The following CDK6 variants were observed in gnomAD, a reference collection of about 807,000 sequenced individuals.
CDK6 encodes cyclin-dependent kinase 6.
In CDK6, 6 loss-of-function variants were observed where a neutral mutation model predicts 37.1. That is an observed-to-expected ratio of 0.16 (90% CI 0.09 to 0.32). The LOEUF is 0.32. Ranked by LOEUF, CDK6 falls within the 10% of genes least tolerant of loss-of-function variation. The pLI is 1.00. For synonymous variants in CDK6, 160 were observed against 161.3 expected, an observed-to-expected ratio of 0.99 and a Z score of 0.06; for missense variants, 224 against 418.9, an observed-to-expected ratio of 0.53 and a Z score of 4.06.
At chr7:92,753,516 G>C (rs897436515) in intron 3 of CDK6, among the ~76,000 whole-genome samples, 1 of 151,822 alleles carries the variant, frequency 6.6e-6, no homozygotes, top group Non-Finnish European at 1.5e-5. Context: ...TTTTTGAGAC[G>C]GAGTCTTGCT....
intron 4 of CDK6, among the ~76,000 whole-genome samples, chr7:92,711,552 A>ATTTTTTTTTTTTTTTTTTTTTTTTT (rs11285626): frequency 8.8e-5 from 5 of 56,626 alleles, no homozygotes; most frequent in African/African-American, 4.1e-4. Flanking sequence ...GAATGGTCAA[A>ATTTTTTTTTTTTTTTTTTTTTTTTT]TTTTTTTTTT....
rs1266343881 is a variant in CDK6 at position 92,833,854 on chromosome 7, C to T, written c.-367-164G>A. ...AGCCGCTTAATCCTTCCTGGTTCCT[C>T]CGAGAAAAGCGAAGTTACTTTTCTT... On this transcript the variant is annotated intron_variant, in intron 1 of 7. Coordinates refer to ENST00000424848, the MANE Select transcript of CDK6 (RefSeq NM_001145306.2). The surrounding 1 kb of genome is among the most constrained non-coding windows in gnomAD (Gnocchi z 6.1). 1.0e-5 allele frequency: 4 copies of T among 398,950 alleles called. No individual in the cohort carries two copies. The highest frequency in any genetic ancestry group is 4.4e-5 in the Admixed American group (1 of 22,730). The allele number at this position is 398,950 out of a possible 1,614,324, so 24.7% of individuals were successfully genotyped here.
chr7:92,794,441 C>T (rs572779779), intron 2 of CDK6, among the ~76,000 whole-genome samples: 4 of 152,220 alleles, frequency 2.6e-5, no homozygotes, highest in Admixed American at 1.3e-4. Flanking sequence ...TTAGGTCACT[C>T]GTGATCTTGC....
intron 3 of CDK6, among the ~76,000 whole-genome samples, chr7:92,728,425 C>T (rs966403280): frequency 6.6e-6 from 1 of 152,128 alleles, no homozygotes; most frequent in East Asian, 1.9e-4. Context: ...TGTAACAATT[C>T]ATTATCAACA....
intron 5 of CDK6, among the ~76,000 whole-genome samples, chr7:92,639,153 G>A (rs987241351): frequency 6.6e-6 from 1 of 151,952 alleles, no homozygotes; most frequent in African/African-American, 2.4e-5. Flanking sequence ...TGGCGCTTTG[G>A]TGAACACACG....
intron 5 of CDK6, among the ~76,000 whole-genome samples, chr7:92,661,864 TCA>T (rs1307292611): frequency 6.6e-6 from 1 of 152,208 alleles, no homozygotes; most frequent in African/African-American, 2.4e-5. Context: ...AGAGCGTGGC[TCA>T]CAGTAAGTGT....
At position 92,612,837 on chromosome 7, in the gene CDK6, A is replaced by G. The variant is rs1795592608; in HGVS notation, c.*2303T>C. 1 of 233,146 alleles carries G rather than the reference A, an allele frequency of 4.3e-6. No homozygotes were observed. Among genetic ancestry groups the G allele is most frequent in the African/African-American group, 2.2e-5 (1 of 45,478 alleles). The allele number at this position is 233,146 out of a possible 1,614,324, so 14.4% of individuals were successfully genotyped here. A position where few individuals can be genotyped will look rare whatever the true frequency, so the allele number is the denominator to read the frequency against. ...TAAAGCTATGTTCACTCTAGCCATG[A>G]ATACTAACCAAAAAGCTCAGATGAA... On this transcript the variant is annotated 3_prime_UTR_variant, in exon 8 of 8. Transcript: ENST00000424848.
rs192458061 is a variant in CDK6 at position 92,672,178 on chromosome 7, C to G, written c.538-643G>C. Among the ~76,000 whole-genome samples the G allele has an allele frequency of 8.5e-3, 878 of 103,670 alleles. 15 individuals carry two copies. Among genetic ancestry groups the G allele is most frequent in the South Asian group, 0.013 (36 of 2,714 alleles). The allele number at this position is 103,670 out of a possible 152,430, so 68.0% of individuals were successfully genotyped here. On this transcript the variant is annotated intron_variant, in intron 4 of 7. Transcript: ENST00000424848. ...ATATATATACACATACACACACACA[C>G]ACACAGACACATACACACACACACA... is the stretch of plus-strand genomic sequence containing the variant.
intron 4 of CDK6, among the ~76,000 whole-genome samples, chr7:92,678,322 T>C (rs999821392): frequency 8.5e-5 from 13 of 152,254 alleles, no homozygotes; most frequent in Admixed American, 8.5e-4. Context: ...TGGACAGAGT[T>C]TGGTGATTGG....
rs929591157 is a variant in CDK6 at position 92,834,379 on chromosome 7, G to T, written c.-367-689C>A. 6.6e-6 allele frequency among the ~76,000 whole-genome samples: 1 copy of T among 151,954 alleles called. No individual in the cohort carries two copies. The highest frequency in any genetic ancestry group is 6.5e-5 in the Admixed American group (1 of 15,268). On this transcript the variant is annotated intron_variant, in intron 1 of 7. Transcript: ENST00000424848. This position sits in a 1 kb window ranked among gnomAD's most constrained non-coding sequence, Gnocchi z 4.6. The stretch of plus-strand genomic sequence containing the variant: ...GGTCTTTTTGGGGTAAAGGAGTCTC[G>T]GTTGGAAACGGAATTCTCTCTCCGG...
intron 2 of CDK6, among the ~76,000 whole-genome samples, chr7:92,790,286 C>T (rs1276018686): frequency 6.6e-6 from 1 of 152,140 alleles, no homozygotes; most frequent in African/African-American, 2.4e-5. Flanking sequence ...AATTCCACCA[C>T]CTAAATATTT....
chr7:92,749,774 A>T (rs1422292664), intron 3 of CDK6, among the ~76,000 whole-genome samples: 1 of 152,236 alleles, frequency 6.6e-6, no homozygotes, highest in Non-Finnish European at 1.5e-5. Context: ...AAATTGAATA[A>T]AAGCCACATG....
intron 5 of CDK6, among the ~76,000 whole-genome samples, chr7:92,643,818 C>T (rs933559434): frequency 6.6e-6 from 1 of 152,192 alleles, no homozygotes; most frequent in Admixed American, 6.5e-5. Context: ...TAAAACTGTT[C>T]TCATTTATTT....
intron 4 of CDK6, among the ~76,000 whole-genome samples, chr7:92,672,326 G>A (rs895075015): frequency 5.3e-5 from 8 of 150,162 alleles, no homozygotes; most frequent in African/African-American, 1.7e-4. Flanking sequence ...TGCTCTTACC[G>A]TGACAGCTTG....
intron 3 of CDK6, among the ~76,000 whole-genome samples, chr7:92,744,572 T>C (rs1799010610): frequency 6.6e-6 from 1 of 152,210 alleles, no homozygotes; most frequent in Non-Finnish European, 1.5e-5. Context: ...AGTAGTACTT[T>C]ACCTAATTTC....
chr7:92,656,024 A>C (rs1435228779), intron 5 of CDK6, among the ~76,000 whole-genome samples: 2 of 152,220 alleles, frequency 1.3e-5, no homozygotes, highest in African/African-American at 2.4e-5. Context: ...TTTCCAGAGA[A>C]GGTTAAAGGC....
At chr7:92,766,963 C>T (rs1456434110) in intron 3 of CDK6, among the ~76,000 whole-genome samples, 1 of 152,066 alleles carries the variant, frequency 6.6e-6, no homozygotes, top group Non-Finnish European at 1.5e-5. Context: ...TCCTATCCCC[C>T]TACCACCACT....
At chr7:92,705,808 A>G (rs1443102411) in intron 4 of CDK6, among the ~76,000 whole-genome samples, 1 of 152,226 alleles carries the variant, frequency 6.6e-6, no homozygotes, top group African/African-American at 2.4e-5. Flanking sequence ...ACTAAATTAG[A>G]GAATAAGCAA....
At chr7:92,697,617 C>T (rs1797749844) in intron 4 of CDK6, among the ~76,000 whole-genome samples, 1 of 152,194 alleles carries the variant, frequency 6.6e-6, no homozygotes, top group South Asian at 2.1e-4. Context: ...TGCAGGCAGA[C>T]AGCCCTCTAC....
Sources: gnomAD v4.1 joint callset for allele counts (sites outside exome capture counted in the v4.1 genomes callset) on GRCh38, gnomAD v4.1.1 for gene constraint, Gnocchi (gnomAD v3.1) non-coding constraint, MANE v1.5 for transcripts, NCBI Gene and HGNC (gene_info 2026-07-23, HGNC 2026-07-21) for gene names.